DLGAP1: variants seen among roughly 807,000 people sequenced by gnomAD.
DLGAP1 encodes the protein disks large-associated protein 1.
DLGAP1 carries 11 observed loss-of-function variants against 90.8 expected under a neutral mutation model. The ratio of observed to expected loss-of-function variants is 0.12; its 90% CI spans 0.08 to 0.20. The LOEUF (loss-of-function observed/expected upper bound fraction) is 0.20. DLGAP1 is among the 10% of genes least tolerant of loss of function. The probability of loss-of-function intolerance (pLI) is 1.00; values close to 1 mark genes in which losing one functional copy is unlikely to be tolerated. For synonymous variants in DLGAP1, 558 were observed against 540.7 expected, an observed-to-expected ratio of 1.03 and a Z score of -0.44; for missense variants, 1,050 against 1,333.8, an observed-to-expected ratio of 0.79 and a Z score of 3.31.
intron 7 of DLGAP1, among the ~76,000 whole-genome samples, chr18:3,619,708 G>A (rs559565588): frequency 2.7e-5 from 4 of 147,298 alleles, no homozygotes; most frequent in South Asian, 2.2e-4. Context: ...CTGACTTAGC[G>A]TCATGCAAAT....
chr18:3,783,830 A>T (rs2065317839), intron 5 of DLGAP1, among the ~76,000 whole-genome samples: 1 of 152,192 alleles, frequency 6.6e-6, no homozygotes, highest in Non-Finnish European at 1.5e-5. Flanking sequence ...AGTTGCTTAC[A>T]TGTGAATATA....
rs576160968 is a variant in DLGAP1 at position 3,537,049 on chromosome 18, C to T, written c.2058-2434G>A. 9.9e-5 allele frequency among the ~76,000 whole-genome samples: 15 copies of T among 151,284 alleles called. No homozygotes were observed. In the South Asian group the frequency reaches 2.5e-3, roughly 25 times the overall value. On this transcript the variant is annotated intron_variant, in intron 9 of 12. Transcript: ENST00000315677. ...CCTGTATGTCTTTTTTTTTTAAAGT[C>T]GCTTCCTGGCCTAATAGTTTACTTA...
intron 6 of DLGAP1, among the ~76,000 whole-genome samples, chr18:3,736,219 TACATG>T (rs1180029257): frequency 6.6e-6 from 1 of 152,224 alleles, no homozygotes; most frequent in African/African-American, 2.4e-5. Context: ...TGACAGTGAC[TACATG>T]ACATATTTTT....
At chr18:3,747,755 C>T (rs2063330402) in intron 5 of DLGAP1, among the ~76,000 whole-genome samples, 1 of 152,176 alleles carries the variant, frequency 6.6e-6, no homozygotes, top group African/African-American at 2.4e-5. Flanking sequence ...AGTGAAACAT[C>T]ATTCAGAAGG....
intron 2 of DLGAP1, among the ~76,000 whole-genome samples, chr18:4,086,259 G>C (rs76625840): frequency 0.025 from 3,822 of 152,132 alleles, 170 homozygotes; most frequent in African/African-American, 0.087. Flanking sequence ...ACTAAAGCTG[G>C]TTTAGATTTA....
chr18:3,583,102 C>A (rs1416141838), intron 7 of DLGAP1, among the ~76,000 whole-genome samples: 1 of 151,262 alleles, frequency 6.6e-6, no homozygotes, highest in East Asian at 2.0e-4. Context: ...GCCACCGGGC[C>A]CGGCCACTTC....
At position 4,311,551 on chromosome 18, in the gene DLGAP1, T is replaced by G. The variant is rs2080396967; in HGVS notation, c.-267+143455A>C. On this transcript the variant is annotated intron_variant, in intron 1 of 12. Coordinates refer to ENST00000315677, the MANE Select transcript of DLGAP1 (RefSeq NM_004746.4). Reference sequence around the variant, plus strand: ...GGGCTACACTGGAGTCAAGTTTCATTTATTTTCTTCTTGAGATTTTTATAT... The same window carrying G: ...GGGCTACACTGGAGTCAAGTTTCATGTATTTTCTTCTTGAGATTTTTATAT... Among the ~76,000 whole-genome samples, 3 of 152,186 alleles carry G rather than the reference T, an allele frequency of 2.0e-5. 1 individual carries two copies. In the South Asian group the frequency reaches 6.2e-4, roughly 32 times the overall value.
At chr18:4,110,170 T>C (rs143759578) in intron 2 of DLGAP1, among the ~76,000 whole-genome samples, 217 of 152,338 alleles carry the variant, frequency 1.4e-3, no homozygotes, top group African/African-American at 4.9e-3. Flanking sequence ...ACCTAGACTA[T>C]ACGGTATAGC....
At chr18:4,057,096 AGGAGAGGG>A (rs2075231886) in intron 2 of DLGAP1, among the ~76,000 whole-genome samples, 1 of 149,592 alleles carries the variant, frequency 6.7e-6, no homozygotes, top group Non-Finnish European at 1.5e-5. Flanking sequence ...TGAGCAGGGC[AGGAGAGGG>A]GCTCCTGCCA....
At chr18:3,955,886 T>C (rs1232062796) in intron 3 of DLGAP1, among the ~76,000 whole-genome samples, 1 of 152,062 alleles carries the variant, frequency 6.6e-6, no homozygotes, top group Non-Finnish European at 1.5e-5. Flanking sequence ...AAACAGAAAC[T>C]TTCCAAAATA....
At chr18:4,242,120 C>T (rs1272558108) in intron 1 of DLGAP1, among the ~76,000 whole-genome samples, 2 of 152,058 alleles carry the variant, frequency 1.3e-5, no homozygotes, top group African/African-American at 2.4e-5. Flanking sequence ...TCAAAGCCCT[C>T]GACCTAGTAA....
chr18:3,569,083 C>A (rs1049505688), intron 8 of DLGAP1, among the ~76,000 whole-genome samples: 1 of 151,680 alleles, frequency 6.6e-6, no homozygotes, highest in Non-Finnish European at 1.5e-5. Flanking sequence ...GCTCCTGCAA[C>A]CTCCGCTTCC....
chr18:3,864,869 C>T (rs147068740), intron 4 of DLGAP1, among the ~76,000 whole-genome samples: 149 of 152,134 alleles, frequency 9.8e-4, no homozygotes, highest in African/African-American at 2.8e-3. Flanking sequence ...TGGGTAATTA[C>T]GCAACATTCT....
intron 3 of DLGAP1, among the ~76,000 whole-genome samples, chr18:3,897,711 G>C (rs1229200514): frequency 1.3e-5 from 2 of 151,044 alleles, no homozygotes; most frequent in East Asian, 3.9e-4. Context: ...AGTAAAATTT[G>C]CACTCATTAC....
chr18:4,327,976 T>C (rs2080860682), intron 1 of DLGAP1, among the ~76,000 whole-genome samples: 2 of 151,224 alleles, frequency 1.3e-5, no homozygotes, highest in Admixed American at 6.6e-5. Flanking sequence ...CCTCCTAATA[T>C]AATACGAAAA....
intron 1 of DLGAP1, among the ~76,000 whole-genome samples, chr18:4,437,637 A>G (rs1428054009): frequency 2.6e-5 from 4 of 152,228 alleles, no homozygotes; most frequent in Non-Finnish European, 4.4e-5. Context: ...GGCTGAATCT[A>G]TGGATGCAGA....
intron 4 of DLGAP1, among the ~76,000 whole-genome samples, chr18:3,842,156 A>G (rs2148638810): frequency 6.6e-6 from 1 of 152,060 alleles, no homozygotes; most frequent in Middle Eastern, 3.4e-3. Context: ...CAGGCAGAAG[A>G]GACAAAGGAG....
intron 1 of DLGAP1, among the ~76,000 whole-genome samples, chr18:4,182,881 A>G (rs2077231527): frequency 6.6e-6 from 1 of 152,188 alleles, no homozygotes; most frequent in African/African-American, 2.4e-5. Flanking sequence ...AATAGTTGAT[A>G]ACACCGAATT....
intron 5 of DLGAP1, among the ~76,000 whole-genome samples, chr18:3,755,504 AG>A (rs1468212065): frequency 2.0e-5 from 3 of 152,298 alleles, no homozygotes; most frequent in African/African-American, 7.2e-5. Flanking sequence ...AACCCAAAAA[AG>A]AACTGGAGAG....
Sources: gnomAD v4.1 joint callset for allele counts (sites outside exome capture counted in the v4.1 genomes callset) on GRCh38, gnomAD v4.1.1 for gene constraint, MANE v1.5 for transcripts, NCBI Gene and HGNC (gene_info 2026-07-23, HGNC 2026-07-21) for gene names.